MIEF1: variants seen among roughly 807,000 people sequenced by gnomAD.
The protein encoded by MIEF1 is mitochondrial dynamics protein MIEF1.
A neutral mutation model predicts 35.1 loss-of-function variants in MIEF1; 14 were observed. The observed-to-expected ratio is 0.40, with a 90% CI of 0.26 to 0.62. The LOEUF (loss-of-function observed/expected upper bound fraction) is 0.62, where lower values mean the gene tolerates loss of function less well. Ranked by LOEUF, MIEF1 falls within the 20% of genes least tolerant of loss-of-function variation. The probability of loss-of-function intolerance (pLI) is 0.43; values close to 1 mark genes in which losing one functional copy is unlikely to be tolerated. For missense variants in MIEF1, 542 were observed against 615.4 expected (o/e 0.88, Z 1.26); for synonymous variants, 245 against 254.3 (o/e 0.96, Z 0.35).
intron 2 of MIEF1, among the ~76,000 whole-genome samples, chr22:39,508,533 G>T (rs2049010276): frequency 6.6e-6 from 1 of 152,192 alleles, no homozygotes; most frequent in South Asian, 2.1e-4. Flanking sequence ...ATAGTGTTCT[G>T]CTTTTCTCCT....
In MIEF1 at chr22:39,515,891, A is replaced by T. The variant is rs530363650; in HGVS notation, c.*1568A>T. On this transcript the variant is annotated 3_prime_UTR_variant, in exon 6 of 6. Transcript: ENST00000325301. ...GTCTCATTCCTTCCCAACGATAGTAACAGGAAATGACTCTTTAGCATCGAT... is the reference window on the plus strand; with the variant it reads ...GTCTCATTCCTTCCCAACGATAGTATCAGGAAATGACTCTTTAGCATCGAT... 6.5e-6 allele frequency: 1 copy of T among 154,752 alleles called. No individual in the cohort carries two copies. Among genetic ancestry groups the T allele is most frequent in the South Asian group, 2.0e-4 (1 of 5,042 alleles). 9.6% of individuals were successfully genotyped at this position (154,752 alleles called of 1,614,324 possible).
Position 39,515,517 on chromosome 22 carries a change from C to T in MIEF1, c.*1194C>T. The T allele has an allele frequency of 1.7e-6, 1 of 605,002 alleles. No homozygotes were observed. Among genetic ancestry groups the T allele is most frequent in the Non-Finnish European group, 3.0e-6 (1 of 337,196 alleles). 37.5% of individuals were successfully genotyped at this position (605,002 alleles called of 1,614,324 possible). A position where few individuals can be genotyped will look rare whatever the true frequency, so the allele number is the denominator to read the frequency against. The stretch of plus-strand genomic sequence containing the variant: ...GCATGCACGGACCTCTTCCCCCTGT[C>T]CTGTTTCTCACCCAGCACCTGGGGA... On this transcript the variant is annotated 3_prime_UTR_variant, in exon 6 of 6. Coordinates refer to ENST00000325301, the MANE Select transcript of MIEF1 (RefSeq NM_019008.6).
intron 1 of MIEF1, 87 bp from the exon 2 acceptor site, chr22:39,504,116 G>T: frequency 2.5e-6 from 1 of 397,468 alleles, no homozygotes; most frequent in South Asian, 1.4e-4. Context: ...TCTGGAACTT[G>T]GATTAAAAAG....
In MIEF1 at chr22:39,515,052, A is replaced by G; in HGVS notation, c.*729A>G. The G allele has an allele frequency of 3.5e-6, 2 of 573,346 alleles. No individual in the cohort carries two copies. The highest frequency in any genetic ancestry group is 6.2e-6 in the Non-Finnish European group (2 of 323,914). 35.5% of individuals were successfully genotyped at this position (573,346 alleles called of 1,614,324 possible). A position where few individuals can be genotyped will look rare whatever the true frequency, so the allele number is the denominator to read the frequency against. ...GTTGAATTTCTTGGTGGCTATTAGC[A>G]GAAGTGCAGAGTAGGGAACCAGAGC... On this transcript the variant is annotated 3_prime_UTR_variant, in exon 6 of 6. Transcript: ENST00000325301.
In MIEF1 at chr22:39,514,948, C is replaced by A. The variant is rs1930580248; in HGVS notation, c.*625C>A. The A allele has an allele frequency of 1.1e-5, 4 of 376,652 alleles. No individual in the cohort carries two copies. In the South Asian group the frequency reaches 1.5e-4, roughly 14 times the overall value. The allele number at this position is 376,652 out of a possible 1,614,324, so 23.3% of individuals were successfully genotyped here. ...CCTCCCCCCAACCTCCTGACCCATT[C>A]ATAAATGCTGAGAATGTCTCTCATG... On this transcript the variant is annotated 3_prime_UTR_variant, in exon 6 of 6. Transcript: ENST00000325301.
rs770621693 is a variant in MIEF1 at position 39,513,723 on chromosome 22, T to C, written c.792T>C (p.Asp264=). 1 of 1,614,194 alleles carries C rather than the reference T, an allele frequency of 6.2e-7. No homozygotes were observed. Among genetic ancestry groups the C allele is most frequent in the Admixed American group, 1.7e-5 (1 of 60,026 alleles). Residue 264 remains aspartate (D), a synonymous_variant, in exon 6 of 6, where the codon GAT becomes GAC. Transcript: ENST00000325301. The stretch of plus-strand genomic sequence containing the variant: ...ACCTCTCTCCAAAGACAGTCGCAGA[T>C]ACATTTGAGAAGGTAGTGGCTGGCT... ...GGYLSPKTVA[D]TFEKVVAGSI... is the part of the protein sequence containing the mutation.
At position 39,504,271 on chromosome 22, in the gene MIEF1, G is replaced by A. The variant is rs893861844; in HGVS notation, c.-271G>A. On this transcript the variant is annotated 5_prime_UTR_variant, in exon 2 of 6. Coordinates refer to ENST00000325301, the MANE Select transcript of MIEF1 (RefSeq NM_019008.6). ...CGAGAGGCGGTGCTGAGTCTCTATC[G>A]GGCTCTGTTGCGCCAGGGCCGACAG... The A allele has an allele frequency of 3.0e-5, 12 of 399,076 alleles. No homozygotes were observed. Among genetic ancestry groups the A allele is most frequent in the South Asian group, 2.5e-4 (2 of 7,858 alleles). 24.7% of individuals were successfully genotyped at this position (399,076 alleles called of 1,614,324 possible). A position where few individuals can be genotyped will look rare whatever the true frequency, so the allele number is the denominator to read the frequency against.
chr22:39,500,249 G>C (rs1222847945), upstream of MIEF1: 1 of 152,108 alleles, frequency 6.6e-6, no homozygotes, highest in African/African-American at 2.4e-5. Flanking sequence ...GCCTACAAAG[G>C]CACCATGGGT....
At position 39,514,407 on chromosome 22, in the gene MIEF1, C is replaced by T; in HGVS notation, c.*84C>T. The T allele has an allele frequency of 7.2e-7, 1 of 1,394,786 alleles. No homozygotes were observed. The highest frequency in any genetic ancestry group is 1.0e-6 in the Non-Finnish European group (1 of 1,004,654). The allele number at this position is 1,394,786 out of a possible 1,614,324, so 86.4% of individuals were successfully genotyped here. A position where few individuals can be genotyped will look rare whatever the true frequency, so the allele number is the denominator to read the frequency against. On this transcript the variant is annotated 3_prime_UTR_variant, in exon 6 of 6. Transcript: ENST00000325301. ...ACTTGGCTACCTAGTTGGTGCCTCA[C>T]AGGGTTCCTGCTGCCTGGTGTCTTG...
intron 2 of MIEF1, among the ~76,000 whole-genome samples, chr22:39,510,384 C>G (rs1285280602): frequency 1.3e-5 from 2 of 152,228 alleles, no homozygotes; most frequent in African/African-American, 4.8e-5. Flanking sequence ...CCTCCTGCCT[C>G]AGCCTCCTAA....
Position 39,515,469 on chromosome 22 carries a change from G to T in MIEF1, c.*1146G>T. On this transcript the variant is annotated 3_prime_UTR_variant, in exon 6 of 6. Coordinates refer to ENST00000325301, the MANE Select transcript of MIEF1 (RefSeq NM_019008.6). ...GAGAGGGGTGTTTGCTGAGCGCTCC[G>T]GGCACGGCCAGAGGGCAAGTGAGCA... 1.5e-6 allele frequency: 1 copy of T among 650,586 alleles called. No individual in the cohort carries two copies. Among genetic ancestry groups the T allele is most frequent in the Non-Finnish European group, 2.8e-6 (1 of 354,168 alleles). 40.3% of individuals were successfully genotyped at this position (650,586 alleles called of 1,614,324 possible).
At chr22:39,506,934 C>A (rs902765506) in intron 2 of MIEF1, among the ~76,000 whole-genome samples, 4 of 152,148 alleles carry the variant, frequency 2.6e-5, no homozygotes, top group Non-Finnish European at 1.5e-5. Flanking sequence ...GGTAACAGAG[C>A]CCCAGAACCC....
At chr22:39,506,418 C>T (rs755401714) in intron 2 of MIEF1, among the ~76,000 whole-genome samples, 1 of 152,168 alleles carries the variant, frequency 6.6e-6, no homozygotes, top group African/African-American at 2.4e-5. Flanking sequence ...ACATACTTTA[C>T]TGACACAGTG....
intron 3 of MIEF1, 57 bp from the exon 4 acceptor site, chr22:39,511,792 G>A: frequency 3.3e-6 from 5 of 1,535,662 alleles, no homozygotes; most frequent in South Asian, 2.5e-5. Context: ...GAAGTAAATT[G>A]GAAGGAAATA....
intron 2 of MIEF1, among the ~76,000 whole-genome samples, chr22:39,510,458 T>C (rs558279446): frequency 3.0e-4 from 46 of 152,248 alleles, no homozygotes; most frequent in African/African-American, 1.1e-3. Flanking sequence ...CTTTTGGAGA[T>C]GGGGGTCTTG....
Position 39,514,993 on chromosome 22 carries a change from A to G in MIEF1, c.*670A>G, listed in dbSNP as rs1930582374. 2.0e-6 allele frequency: 1 copy of G among 507,124 alleles called. No individual in the cohort carries two copies. The highest frequency in any genetic ancestry group is 3.5e-6 in the Non-Finnish European group (1 of 286,348). The allele number at this position is 507,124 out of a possible 1,614,324, so 31.4% of individuals were successfully genotyped here. ...CTCATGGGAACACTGTTAATGACCCACACAGGATAAGCTGAATGCAAAGTT... is the reference window on the plus strand; with the variant it reads ...CTCATGGGAACACTGTTAATGACCCGCACAGGATAAGCTGAATGCAAAGTT... On this transcript the variant is annotated 3_prime_UTR_variant, in exon 6 of 6. Transcript: ENST00000325301.
chr22:39,508,485 A>G (rs1023471958), intron 2 of MIEF1, among the ~76,000 whole-genome samples: 2 of 152,220 alleles, frequency 1.3e-5, no homozygotes, highest in African/African-American at 4.8e-5. Context: ...TTCAGTAAAG[A>G]GTTAAAACAA....
At chr22:39,508,709 T>C (rs536323248) in intron 2 of MIEF1, among the ~76,000 whole-genome samples, 46 of 152,342 alleles carry the variant, frequency 3.0e-4, no homozygotes, top group African/African-American at 1.1e-3. Context: ...TGTACTCGGT[T>C]TGGCGAAATA....
At position 39,515,586 on chromosome 22, in the gene MIEF1, G is replaced by A. The variant is rs1159133139; in HGVS notation, c.*1263G>A. 2 of 517,730 alleles carry A rather than the reference G, an allele frequency of 3.9e-6. No homozygotes were observed. Among genetic ancestry groups the A allele is most frequent in the Admixed American group, 3.7e-5 (1 of 27,086 alleles). The allele number at this position is 517,730 out of a possible 1,614,324, so 32.1% of individuals were successfully genotyped here. A position where few individuals can be genotyped will look rare whatever the true frequency, so the allele number is the denominator to read the frequency against. On this transcript the variant is annotated 3_prime_UTR_variant, in exon 6 of 6. Transcript: ENST00000325301. Reference sequence around the variant, plus strand: ...AGAGAGCACACAGATAAGACAGAGGGGAGGAGGTGGGCATTTCCTACATTC... The same window carrying A: ...AGAGAGCACACAGATAAGACAGAGGAGAGGAGGTGGGCATTTCCTACATTC...
Sources: allele counts gnomAD v4.1 joint callset (sites outside exome capture counted in the v4.1 genomes callset), GRCh38; gene constraint gnomAD v4.1.1; transcripts MANE v1.5; gene names NCBI Gene and HGNC (gene_info 2026-07-23, HGNC 2026-07-21).